Variants in DENR observed in about 807,000 individuals in gnomAD.
The protein encoded by DENR is density regulated re-initiation and release factor.
In DENR, 6 loss-of-function variants were observed where a neutral mutation model predicts 30.6. The observed-to-expected ratio is 0.20, with a 90% CI of 0.11 to 0.39. The LOEUF (loss-of-function observed/expected upper bound fraction) is 0.39. Among genes scored for constraint, DENR ranks in the 10% least tolerant of loss-of-function variants. The probability of loss-of-function intolerance (pLI) is 1.00; values close to 1 mark genes in which losing one functional copy is unlikely to be tolerated. For synonymous variants in DENR, 78 were observed against 72.1 expected, an observed-to-expected ratio of 1.08 and a Z score of -0.41; for missense variants, 141 against 230.9, an observed-to-expected ratio of 0.61 and a Z score of 2.52.
intron 2 of DENR, among the ~76,000 whole-genome samples, chr12:122,760,672 A>C (rs1878675121): frequency 6.6e-6 from 1 of 152,212 alleles, no homozygotes; most frequent in Admixed American, 6.5e-5. Context: ...CGGAGCTTGC[A>C]GTGAGCCGAG....
rs569567664 is a variant in DENR at position 122,753,826 on chromosome 12, A to G, written c.106+19A>G. The G allele has an allele frequency of 1.9e-6, 3 of 1,581,904 alleles. No homozygotes were observed. Among genetic ancestry groups the G allele is most frequent in the South Asian group, 2.2e-5 (2 of 90,278 alleles). ...TGTGGAGGCAAGTGTTGGTAGCCAC[A>G]GAATGACTTTTACTCACTATACTTT... On this transcript the variant is annotated intron_variant, in intron 2 of 7. Coordinates refer to ENST00000280557, the MANE Select transcript of DENR (RefSeq NM_003677.5).
chr12:122,765,245 C>CTT lies in DENR; in HGVS notation c.212-51_212-50dup, dbSNP rs199533957. 1.6e-5 allele frequency: 22 copies of CTT among 1,378,910 alleles called. No individual in the cohort carries two copies. The African/African-American group carries it at 2.6e-4, about 17-fold the overall frequency. The allele number at this position is 1,378,910 out of a possible 1,614,324, so 85.4% of individuals were successfully genotyped here. On this transcript the variant is annotated intron_variant, in intron 4 of 7. Transcript: ENST00000280557. ...ATATGAGGTTGCTCAAAGGTGATTTCTTTTTTTTTAACAGTGTGAGATGAT... is the reference window on the plus strand; with the variant it reads ...ATATGAGGTTGCTCAAAGGTGATTTCTTTTTTTTTTTAACAGTGTGAGATGAT...
At chr12:122,764,595 G>A (rs993472990) in intron 4 of DENR, among the ~76,000 whole-genome samples, 3 of 152,132 alleles carry the variant, frequency 2.0e-5, no homozygotes, top group Non-Finnish European at 4.4e-5. Flanking sequence ...GGGAGACTCC[G>A]TCTCAAAAAA....
At chr12:122,758,897 A>G (rs1439586733) in intron 2 of DENR, among the ~76,000 whole-genome samples, 1 of 147,458 alleles carries the variant, frequency 6.8e-6, no homozygotes, top group Non-Finnish European at 1.5e-5. Flanking sequence ...CCCAGGCTGG[A>G]GTGCAGTGGC....
At chr12:122,753,434 T>C (rs1878467508) in intron 1 of DENR, among the ~76,000 whole-genome samples, 1 of 152,194 alleles carries the variant, frequency 6.6e-6, no homozygotes, top group African/African-American at 2.4e-5. Context: ...TCCCCATTGC[T>C]TCCTGTTTTT....
At chr12:122,756,635 A>G (rs1301835598) in intron 2 of DENR, among the ~76,000 whole-genome samples, 1 of 152,208 alleles carries the variant, frequency 6.6e-6, no homozygotes, top group East Asian at 1.9e-4. Flanking sequence ...TGCCAGGCAA[A>G]GGAGTGGAGG....
chr12:122,764,070 G>A lies in DENR; in HGVS notation c.211+1141G>A, dbSNP rs1878778603. ...AGGACACAGCCTGAGGAGAGGCCCT[G>A]AGTAGAAGCTTTCCTAGTATATTCA... On this transcript the variant is annotated intron_variant, in intron 4 of 7. Transcript: ENST00000280557. 7.2e-5 allele frequency among the ~76,000 whole-genome samples: 11 copies of A among 152,310 alleles called. No homozygotes were observed. The South Asian group carries it at 2.3e-3, about 32-fold the overall frequency.
intron 2 of DENR, among the ~76,000 whole-genome samples, chr12:122,759,095 C>T (rs369114077): frequency 6.6e-6 from 1 of 152,062 alleles, no homozygotes; most frequent in Admixed American, 6.5e-5. Flanking sequence ...TCCACCACCT[C>T]GGCCTCCCAA....
rs1878947828 is a variant in DENR, at chr12:122,769,254, A to ATG, written c.*177_*178insGT. 8 of 704,822 alleles carry ATG rather than the reference A, an allele frequency of 1.1e-5. No individual in the cohort carries two copies. Among genetic ancestry groups the ATG allele is most frequent in the African/African-American group, 6.0e-5 (3 of 49,636 alleles). The allele number at this position is 704,822 out of a possible 1,614,324, so 43.7% of individuals were successfully genotyped here. A position where few individuals can be genotyped will look rare whatever the true frequency, so the allele number is the denominator to read the frequency against. ...TGTGTGTATGTATACATGTATATAT[A>ATG]TATACATACACATATATGTATACAT... is the stretch of plus-strand genomic sequence containing the variant. On this transcript the variant is annotated 3_prime_UTR_variant, in exon 8 of 8. Transcript: ENST00000280557.
At position 122,768,877 on chromosome 12, in the gene DENR, T is replaced by C; in HGVS notation, c.508T>C (p.Phe170Leu). 1 of 1,612,854 alleles carries C rather than the reference T, an allele frequency of 6.2e-7. No homozygotes were observed. The highest frequency in any genetic ancestry group is 8.5e-7 in the Non-Finnish European group (1 of 1,179,510). ...GGATGAAATTATCATTCAGGGAGAT[T>C]TTACAGATGACATAATTGATGTCAT... ...GEDEIIIQGDFTDDIIDVIQE... is the reference protein window; with the variant it reads ...GEDEIIIQGDLTDDIIDVIQE... Residue 170 changes from phenylalanine to leucine, a missense_variant, in exon 7 of 8, where the codon TTT becomes CTT. Physicochemically the swap from Phe to Leu is conservative, Grantham distance 22. Transcript: ENST00000280557.
At chr12:122,759,171 C>G (rs1457866122) in intron 2 of DENR, among the ~76,000 whole-genome samples, 2 of 152,120 alleles carry the variant, frequency 1.3e-5, no homozygotes, top group African/African-American at 4.8e-5. Context: ...TCAAGTTAAA[C>G]AGATTTTGGC....
chr12:122,764,919 T>C (rs1180135801), intron 4 of DENR, among the ~76,000 whole-genome samples: 1 of 152,242 alleles, frequency 6.6e-6, no homozygotes, highest in Non-Finnish European at 1.5e-5. Flanking sequence ...TCTACATGGT[T>C]GTCCCTGAAC....
At chr12:122,759,416 A>G (rs1386858938) in intron 2 of DENR, among the ~76,000 whole-genome samples, 6 of 152,214 alleles carry the variant, frequency 3.9e-5, no homozygotes, top group African/African-American at 1.4e-4. Context: ...TTATTGCATT[A>G]GAATTTTGCT....
chr12:122,756,259 G>C (rs1412261976), intron 2 of DENR, among the ~76,000 whole-genome samples: 1 of 150,020 alleles, frequency 6.7e-6, no homozygotes, highest in African/African-American at 2.5e-5. Context: ...GACCAGCCTG[G>C]CCAACATGGT....
At chr12:122,755,172 G>A (rs1878514235) in intron 2 of DENR, among the ~76,000 whole-genome samples, 1 of 152,224 alleles carries the variant, frequency 6.6e-6, no homozygotes, top group Admixed American at 6.5e-5. Flanking sequence ...CCTGGAACGA[G>A]GTGAACTGGG....
chr12:122,759,393 T>C (rs1340978859), intron 2 of DENR, among the ~76,000 whole-genome samples: 1 of 152,014 alleles, frequency 6.6e-6, no homozygotes, highest in Non-Finnish European at 1.5e-5. Flanking sequence ...TTAAAGGAGC[T>C]CCCCCAATTT....
rs1022260487 is a variant in DENR at position 122,752,855 on chromosome 12, C to G, written c.-105C>G. The G allele has an allele frequency of 9.2e-5, 14 of 152,440 alleles. No homozygotes were observed. Among genetic ancestry groups the G allele is most frequent in the African/African-American group, 3.4e-4 (14 of 41,476 alleles). 9.4% of individuals were successfully genotyped at this position (152,440 alleles called of 1,614,324 possible). ...CGGGAGCGCTGCTGGCGGTCGGGCGCTCGGGCGGCCCTGGCCGGGGAGACG... is the reference window on the plus strand; with the variant it reads ...CGGGAGCGCTGCTGGCGGTCGGGCGGTCGGGCGGCCCTGGCCGGGGAGACG... On this transcript the variant is annotated 5_prime_UTR_variant, in exon 1 of 8. Coordinates refer to ENST00000280557, the MANE Select transcript of DENR (RefSeq NM_003677.5).
At chr12:122,755,082 C>T (rs1878511289) in intron 2 of DENR, among the ~76,000 whole-genome samples, 1 of 152,132 alleles carries the variant, frequency 6.6e-6, no homozygotes, top group Non-Finnish European at 1.5e-5. Flanking sequence ...AAGTATGCTG[C>T]ATTTGGCAGC....
At chr12:122,753,641 C>T in intron 1 of DENR, 52 bp from the exon 2 acceptor site, 1 of 1,411,948 alleles carries the variant, frequency 7.1e-7, no homozygotes, top group East Asian at 2.3e-5. Context: ...CACTGCTCTT[C>T]TGGGGTCTTG....
Sources: allele counts gnomAD v4.1 joint callset (sites outside exome capture counted in the v4.1 genomes callset), GRCh38; gene constraint gnomAD v4.1.1; transcripts MANE v1.5; gene names NCBI Gene and HGNC (gene_info 2026-07-23, HGNC 2026-07-21).